ATG4C: variants seen among roughly 807,000 people sequenced by gnomAD.
ATG4C encodes the protein autophagy related 4C cysteine peptidase.
Under a neutral mutation model 57.6 loss-of-function variants are expected in ATG4C, and 56 were observed. That is an observed-to-expected ratio of 0.97 (90% CI 0.78 to 1.21). The LOEUF is 1.21. ATG4C is among the 50% of genes most tolerant of loss of function. ATG4C has a pLI of 0.00. For synonymous variants in ATG4C, 157 were observed against 174.1 expected, an observed-to-expected ratio of 0.90 and a Z score of 0.78; for missense variants, 595 against 529.8, an observed-to-expected ratio of 1.12 and a Z score of -1.21.
intron 10 of ATG4C, among the ~76,000 whole-genome samples, chr1:62,852,610 G>C (rs1666551464): frequency 6.6e-6 from 1 of 152,136 alleles, no homozygotes; most frequent in Non-Finnish European, 1.5e-5. Context: ...TCACTATTCA[G>C]TGTTCACATT....
At chr1:62,831,290 A>G (rs1009460893) in intron 7 of ATG4C, among the ~76,000 whole-genome samples, 2 of 152,196 alleles carry the variant, frequency 1.3e-5, no homozygotes, top group African/African-American at 4.8e-5. Flanking sequence ...TTCACTTAGA[A>G]GTGAAAAGGT....
At chr1:62,839,403 T>G (rs1011976488) in intron 9 of ATG4C, among the ~76,000 whole-genome samples, 1 of 152,224 alleles carries the variant, frequency 6.6e-6, no homozygotes, top group African/African-American at 2.4e-5. Flanking sequence ...GAATACCCTT[T>G]GTAGATGAGT....
chr1:62,855,406 T>G (rs2100362692), intron 10 of ATG4C, among the ~76,000 whole-genome samples: 1 of 152,324 alleles, frequency 6.6e-6, no homozygotes, highest in Non-Finnish European at 1.5e-5. Context: ...AATAATCATT[T>G]GGTAATTCAA....
At chr1:62,846,791 T>C (rs1291955052) in intron 10 of ATG4C, among the ~76,000 whole-genome samples, 1 of 152,196 alleles carries the variant, frequency 6.6e-6, no homozygotes, top group Non-Finnish European at 1.5e-5. Flanking sequence ...ACACTATTGT[T>C]ACTTCAGTGA....
intron 1 of ATG4C, among the ~76,000 whole-genome samples, chr1:62,793,618 A>AAAAAAAAAAAAAAAAC (rs1553221617): frequency 6.7e-5 from 7 of 104,048 alleles, no homozygotes; most frequent in Admixed American, 1.2e-4. Context: ...AAAAAAAAAA[A>AAAAAAAAAAAAAAAAC]AACCAAAAAA....
At chr1:62,790,555 G>A (rs1248578425) in intron 1 of ATG4C, among the ~76,000 whole-genome samples, 1 of 152,106 alleles carries the variant, frequency 6.6e-6, no homozygotes, top group Non-Finnish European at 1.5e-5. Context: ...TTTTCTGTGT[G>A]ATTATGTTAT....
intron 1 of ATG4C, among the ~76,000 whole-genome samples, chr1:62,793,352 C>CT (rs992816769): frequency 1.3e-5 from 2 of 151,382 alleles, no homozygotes; most frequent in African/African-American, 4.9e-5. Flanking sequence ...TGGCTCATGC[C>CT]TGTAGTCCTA....
chr1:62,865,308 T>C lies in ATG4C; in HGVS notation c.*1149T>C, dbSNP rs1666970657. 1 of 151,920 alleles carries C rather than the reference T, an allele frequency of 6.6e-6. No homozygotes were observed. Among genetic ancestry groups the C allele is most frequent in the Non-Finnish European group, 1.5e-5 (1 of 67,826 alleles). 9.4% of individuals were successfully genotyped at this position (151,920 alleles called of 1,614,324 possible). ...TAAGTGGAGCTTTCATGTTTCAGTG[T>C]AGAAACGTGACTTATAAAGACATAA... On this transcript the variant is annotated 3_prime_UTR_variant, in exon 11 of 11. Coordinates refer to ENST00000317868, the MANE Select transcript of ATG4C (RefSeq NM_032852.4).
chr1:62,810,344 G>A (rs1191081257), intron 3 of ATG4C, among the ~76,000 whole-genome samples: 1 of 152,136 alleles, frequency 6.6e-6, no homozygotes, highest in African/African-American at 2.4e-5. Flanking sequence ...TGAATTTCTA[G>A]TTCTTAACAC....
chr1:62,786,150 T>TCGA (rs1664074540), intron 1 of ATG4C, among the ~76,000 whole-genome samples: 1 of 152,208 alleles, frequency 6.6e-6, no homozygotes, highest in Admixed American at 6.5e-5. Context: ...GGAAATTAAT[T>TCGA]CAGTTCTTTT....
In ATG4C at chr1:62,803,835, A is replaced by G; in HGVS notation, c.49A>G (p.Ile17Val). 6.2e-7 allele frequency: 1 copy of G among 1,602,948 alleles called. No homozygotes were observed. ...DEVDKLKTKFISAWNNMKYSW... is the reference protein window; with the variant it reads ...DEVDKLKTKFVSAWNNMKYSW... ...AGTTGACAAGCTAAAAACCAAATTT[A>G]TATCTGCTTGGAACAACATGAAATA... is the stretch of plus-strand genomic sequence containing the variant. The change falls in exon 2 of 11, where the codon ATA (isoleucine) becomes GTA (valine). Residue 17 changes from isoleucine to valine, a missense_variant. By Grantham distance (29) the Ile-to-Val change is conservative (BLOSUM62 3). Coordinates refer to ENST00000317868, the MANE Select transcript of ATG4C (RefSeq NM_032852.4).
chr1:62,855,662 C>T (rs995057618), intron 10 of ATG4C, among the ~76,000 whole-genome samples: 2 of 152,172 alleles, frequency 1.3e-5, no homozygotes, highest in South Asian at 4.1e-4. Context: ...GTTGAGTCTT[C>T]ACCTATGGTA....
chr1:62,800,168 A>G (rs1664610814), intron 1 of ATG4C, among the ~76,000 whole-genome samples: 3 of 152,162 alleles, frequency 2.0e-5, no homozygotes, highest in Admixed American at 6.5e-5. Context: ...AACTGTCTGA[A>G]CCAAAAAGTC....
intron 1 of ATG4C, among the ~76,000 whole-genome samples, chr1:62,801,644 C>T (rs1402150239): frequency 6.7e-6 from 1 of 148,472 alleles, no homozygotes; most frequent in Non-Finnish European, 1.5e-5. Context: ...GGAGACAGAG[C>T]GAGACTCCAT....
intron 1 of ATG4C, among the ~76,000 whole-genome samples, chr1:62,795,796 A>G (rs1301365863): frequency 6.6e-6 from 1 of 152,088 alleles, no homozygotes; most frequent in South Asian, 2.1e-4. Context: ...GCCACTGCAC[A>G]GTCCATCCTA....
chr1:62,865,136 T>C lies in ATG4C; in HGVS notation c.*977T>C, dbSNP rs1004521411. On this transcript the variant is annotated 3_prime_UTR_variant, in exon 11 of 11. Transcript: ENST00000317868. ...TGAGCTAGGATTATAAAATACATAA[T>C]AAAGATGTGAGAAGATAAAATGCTT... 2.0e-5 allele frequency: 3 copies of C among 151,936 alleles called. No individual in the cohort carries two copies. Among genetic ancestry groups the C allele is most frequent in the Non-Finnish European group, 4.4e-5 (3 of 67,836 alleles). The allele number at this position is 151,936 out of a possible 1,614,324, so 9.4% of individuals were successfully genotyped here. A position where few individuals can be genotyped will look rare whatever the true frequency, so the allele number is the denominator to read the frequency against.
In ATG4C at chr1:62,828,302, G is replaced by A. The variant is rs143895135; in HGVS notation, c.797-738G>A. Among the ~76,000 whole-genome samples, 16 of 152,078 alleles carry A rather than the reference G, an allele frequency of 1.1e-4. No individual in the cohort carries two copies. In the South Asian group the frequency reaches 2.7e-3, roughly 26 times the overall value. Reference sequence around the variant, plus strand: ...AGTATTCCCTTTTCTCCACAACCTCGCCAGCATCTGTTATCTTTTGACTTT... The same window carrying A: ...AGTATTCCCTTTTCTCCACAACCTCACCAGCATCTGTTATCTTTTGACTTT... On this transcript the variant is annotated intron_variant, in intron 6 of 10. Transcript: ENST00000317868.
Position 62,835,177 on chromosome 1 carries a change from G to T in ATG4C, c.1089+325G>T, listed in dbSNP as rs539984600. ...AGTACTGAAGAATTTAAAATGTAAG[G>T]CCTGTTTAAAAAAAAAAAAAAAGAA... is the stretch of plus-strand genomic sequence containing the variant. On this transcript the variant is annotated intron_variant, in intron 9 of 10. Transcript: ENST00000317868. 2.2e-3 allele frequency among the ~76,000 whole-genome samples: 326 copies of T among 145,422 alleles called. 1 individual carries two copies. Among genetic ancestry groups the T allele is most frequent in the Admixed American group, 0.013 (184 of 14,516 alleles).
intron 10 of ATG4C, among the ~76,000 whole-genome samples, chr1:62,862,167 G>T (rs1666878157): frequency 6.6e-6 from 1 of 152,080 alleles, no homozygotes; most frequent in African/African-American, 2.4e-5. Context: ...TAAATATTGT[G>T]CATAAGGAGA....
Sources: allele counts gnomAD v4.1 joint callset (sites outside exome capture counted in the v4.1 genomes callset), GRCh38; gene constraint gnomAD v4.1.1; transcripts MANE v1.5; gene names NCBI Gene and HGNC (gene_info 2026-07-23, HGNC 2026-07-21).